Variants in TTC7A observed in about 807,000 individuals in gnomAD.
TTC7A encodes tetratricopeptide repeat protein 7A.
TTC7A carries 110 observed loss-of-function variants against 103.7 expected under a neutral mutation model. That is an observed-to-expected ratio of 1.06 (90% CI 0.91 to 1.24). TTC7A has a LOEUF of 1.24. TTC7A is among the 50% of genes most tolerant of loss of function. The pLI is 0.00. For missense variants in TTC7A, 1,340 were observed against 1,116.3 expected (o/e 1.20, Z -2.86); for synonymous variants, 521 against 467.9 (o/e 1.11, Z -1.47).
intron 8 of TTC7A, among the ~76,000 whole-genome samples, chr2:47,001,742 C>G (rs778206140): frequency 1.3e-5 from 2 of 151,722 alleles, no homozygotes; most frequent in Non-Finnish European, 2.9e-5. Context: ...GCCTGTAATC[C>G]CAACTACTTG....
At chr2:47,066,502 C>T (rs1684191875) in intron 19 of TTC7A, among the ~76,000 whole-genome samples, 1 of 95,850 alleles carries the variant, frequency 1.0e-5, no homozygotes, top group Admixed American at 9.7e-5. Context: ...AAAGGATGAA[C>T]TCTCTGGCCA....
intron 18 of TTC7A, among the ~76,000 whole-genome samples, chr2:47,060,224 G>A (rs1254277822): frequency 1.3e-5 from 2 of 152,054 alleles, no homozygotes; most frequent in African/African-American, 2.4e-5. Flanking sequence ...ACAAAAATTA[G>A]CCAGGCGTGG....
At chr2:46,991,245 G>C (rs1301304146) in intron 5 of TTC7A, among the ~76,000 whole-genome samples, 1 of 152,068 alleles carries the variant, frequency 6.6e-6, no homozygotes. Flanking sequence ...CAGCAGGTCT[G>C]GGTGGGGGTC....
rs775710013 is a variant in TTC7A at position 46,975,082 on chromosome 2, G to A, written c.627G>A (p.Val209=). The stretch of plus-strand genomic sequence containing the variant: ...AGAGGGCCTCCTGGATCGCTCAGGT[G>A]TTCCTGCAGGAATTGGAGAAGGTGA... ...CFERASWIAQ[V]FLQELEKTTN... The change falls in exon 4 of 20, where the codon GTG becomes GTA. Residue 209 remains valine (V), a synonymous_variant. Coordinates refer to ENST00000319190, the MANE Select transcript of TTC7A (RefSeq NM_020458.4). 1.9e-5 allele frequency: 31 copies of A among 1,613,766 alleles called. No homozygotes were observed. Among genetic ancestry groups the A allele is most frequent in the Non-Finnish European group, 2.6e-5 (31 of 1,179,856 alleles).
intron 10 of TTC7A, 121 bp from the exon 11 acceptor site, chr2:47,011,210 C>A (rs899315605): frequency 2.3e-6 from 2 of 877,810 alleles, no homozygotes; most frequent in Non-Finnish European, 3.4e-6. Flanking sequence ...GGACCTCTTC[C>A]TGGCTCCTGA....
chr2:47,049,732 G>A (rs1438698584), intron 16 of TTC7A, among the ~76,000 whole-genome samples: 1 of 152,068 alleles, frequency 6.6e-6, no homozygotes, highest in East Asian at 1.9e-4. Flanking sequence ...GTCTCAGCCT[G>A]TGTGGTATGC....
At chr2:46,967,931 G>T (rs943053032) in intron 3 of TTC7A, among the ~76,000 whole-genome samples, 8 of 152,006 alleles carry the variant, frequency 5.3e-5, no homozygotes, top group African/African-American at 1.9e-4. Context: ...TGGCTGCAGG[G>T]TACCCAAGTC....
At chr2:47,044,969 C>G (rs961010005) in intron 15 of TTC7A, among the ~76,000 whole-genome samples, 2 of 152,190 alleles carry the variant, frequency 1.3e-5, no homozygotes, top group African/African-American at 4.8e-5. Flanking sequence ...CCGGGTGGCA[C>G]CTGCAGCCTT....
intron 16 of TTC7A, among the ~76,000 whole-genome samples, chr2:47,049,728 G>A (rs1682679380): frequency 6.6e-6 from 1 of 152,070 alleles, no homozygotes; most frequent in African/African-American, 2.4e-5. Flanking sequence ...CCAGGTCTCA[G>A]CCTGTGTGGT....
chr2:47,024,343 T>A lies in TTC7A; in HGVS notation c.1625T>A (p.Leu542Gln). ...PQVILYVSLQLALVRQISSAM... is the reference protein window; with the variant it reads ...PQVILYVSLQQALVRQISSAM... ...GTCATCCTCTATGTCTCGCTGCAGC[T>A]GGCCCTCGTCCGACAGGTGGGTTGT... Residue 542 changes from leucine (L) to glutamine (Q), a missense_variant, in exon 14 of 20, where the codon CTG becomes CAG. Coordinates refer to ENST00000319190, the MANE Select transcript of TTC7A (RefSeq NM_020458.4). 2 of 1,607,034 alleles carry A rather than the reference T, an allele frequency of 1.2e-6. No homozygotes were observed. The highest frequency in any genetic ancestry group is 1.7e-6 in the Non-Finnish European group (2 of 1,176,966).
intron 2 of TTC7A, among the ~76,000 whole-genome samples, chr2:46,919,698 A>T (rs1668999206): frequency 6.6e-6 from 1 of 152,230 alleles, no homozygotes; most frequent in Non-Finnish European, 1.5e-5. Flanking sequence ...GAACCCTGGA[A>T]TTCCTTCTAA....
chr2:46,924,800 G>A (rs1453769063), intron 2 of TTC7A, among the ~76,000 whole-genome samples: 1 of 152,092 alleles, frequency 6.6e-6, no homozygotes, highest in Non-Finnish European at 1.5e-5. Context: ...GCTAATTTTT[G>A]TATTTTTTGT....
chr2:46,994,168 T>G (rs1572846055), intron 6 of TTC7A, 189 bp from the exon 7 acceptor site: 1 of 615,388 alleles, frequency 1.6e-6, no homozygotes, highest in Non-Finnish European at 2.8e-6. Context: ...AGCAGAGGGG[T>G]GGGAGCGCCA....
At chr2:47,017,294 C>T (rs987713486) in intron 11 of TTC7A, among the ~76,000 whole-genome samples, 2 of 150,780 alleles carry the variant, frequency 1.3e-5, no homozygotes, top group African/African-American at 2.4e-5. Flanking sequence ...TGGGAAGGGT[C>T]GCTTGAGCCC....
Position 46,995,261 on chromosome 2 carries a change from G to A in TTC7A, c.1065+62G>A, listed in dbSNP as rs537263917. 33 of 1,572,214 alleles carry A rather than the reference G, an allele frequency of 2.1e-5. No individual in the cohort carries two copies. The Admixed American group carries it at 4.6e-4, about 22-fold the overall frequency. ...TCTGACCCTGTGGGGAAGGGCTGTGGGGCCCAGGTACAGGCCACCCGTGAC... is the reference window on the plus strand; with the variant it reads ...TCTGACCCTGTGGGGAAGGGCTGTGAGGCCCAGGTACAGGCCACCCGTGAC... On this transcript the variant is annotated intron_variant, in intron 8 of 19. Coordinates refer to ENST00000319190, the MANE Select transcript of TTC7A (RefSeq NM_020458.4).
intron 17 of TTC7A, 111 bp from the exon 18 acceptor site, chr2:47,051,635 C>A: frequency 7.0e-7 from 1 of 1,418,560 alleles, no homozygotes. Flanking sequence ...CACCACCCTA[C>A]CCTGATTCAG....
chr2:46,992,470 A>C (rs1477292964), intron 5 of TTC7A, among the ~76,000 whole-genome samples: 1 of 152,236 alleles, frequency 6.6e-6, no homozygotes, highest in Non-Finnish European at 1.5e-5. Context: ...GGAAGAAGCC[A>C]GTGCCGAGAC....
At chr2:46,946,252 G>T (rs994570745) in intron 1 of TTC7A, among the ~76,000 whole-genome samples, 1 of 151,968 alleles carries the variant, frequency 6.6e-6, no homozygotes, top group Non-Finnish European at 1.5e-5. Flanking sequence ...ATTCACTATC[G>T]GTCTGATGGC....
At chr2:47,064,133 C>G (rs761134802) in intron 19 of TTC7A, among the ~76,000 whole-genome samples, 15 of 152,242 alleles carry the variant, frequency 9.9e-5, no homozygotes, top group Non-Finnish European at 1.9e-4. Flanking sequence ...GAGATGCCAC[C>G]TTGGCAGTTC....
Sources: gnomAD v4.1 joint callset for allele counts (sites outside exome capture counted in the v4.1 genomes callset) on GRCh38, gnomAD v4.1.1 for gene constraint, MANE v1.5 for transcripts, NCBI Gene and HGNC (gene_info 2026-07-23, HGNC 2026-07-21) for gene names.